POLR2F: variants seen among roughly 807,000 people sequenced by gnomAD.
The protein encoded by POLR2F is RNA polymerase II, I and III subunit F.
A neutral mutation model predicts 22.7 loss-of-function variants in POLR2F; 12 were observed. The observed-to-expected ratio is 0.53, with a 90% CI of 0.34 to 0.86. POLR2F has a LOEUF of 0.86. Ranked by LOEUF, POLR2F falls within the 40% of genes least tolerant of loss-of-function variation. The pLI is 0.02. For missense variants in POLR2F, 126 were observed against 171.5 expected, an observed-to-expected ratio of 0.73 and a Z score of 1.48; for synonymous variants, 57 against 66.0, an observed-to-expected ratio of 0.86 and a Z score of 0.66.
chr22:38,013,702 T>C (rs2145812412), intron 1 of POLR2F, among the ~76,000 whole-genome samples: 2 of 152,358 alleles, frequency 1.3e-5, no homozygotes, highest in South Asian at 2.1e-4. Context: ...ATTCTTCTGT[T>C]TCATTCTGAC....
At chr22:37,963,614 AG>A (rs1438338926) in intron 3 of POLR2F, among the ~76,000 whole-genome samples, 1 of 152,204 alleles carries the variant, frequency 6.6e-6, no homozygotes, top group Non-Finnish European at 1.5e-5. Context: ...AGGATAGCAC[AG>A]GGGGATAGGA....
intron 1 of POLR2F, among the ~76,000 whole-genome samples, chr22:38,008,490 A>G (rs190124930): frequency 1.1e-3 from 161 of 151,862 alleles, no homozygotes; most frequent in African/African-American, 3.7e-3. Flanking sequence ...GGTTGCAGTG[A>G]GCCGAGATCA....
At chr22:38,036,169 G>C (rs1601920936) in intron 5 of POLR2F, among the ~76,000 whole-genome samples, 1 of 151,772 alleles carries the variant, frequency 6.6e-6, no homozygotes, top group Non-Finnish European at 1.5e-5. Flanking sequence ...TAGAGACGGG[G>C]TTTTGCCATG....
rs1379416921 is a variant in POLR2F at position 37,997,982 on chromosome 22, C to G, written c.120+11670C>G. Among the ~76,000 whole-genome samples the G allele has an allele frequency of 3.9e-5, 6 of 152,188 alleles. No individual in the cohort carries two copies. Among genetic ancestry groups the G allele is most frequent in the African/African-American group, 1.4e-4 (6 of 41,438 alleles). On this transcript the variant is annotated intron_variant, in intron 1 of 2. Transcript: ENST00000333418. The surrounding 1 kb of genome is among the most constrained non-coding windows in gnomAD (Gnocchi z 4.4). ...GAAGAGCAGGTGTTTGTGTCCCCTT[C>G]CGGTGAGAGCTTTCCAGCGCCCAGA...
chr22:37,973,281 T>TCCAG, downstream of POLR2F: 1 of 555,990 alleles, frequency 1.8e-6, no homozygotes, highest in South Asian at 2.6e-5. Flanking sequence ...TTCTCCTCTG[T>TCCAG]CCAGCCTGTT....
intron 1 of POLR2F, among the ~76,000 whole-genome samples, chr22:38,012,146 A>G (rs2084876560): frequency 6.6e-6 from 1 of 151,364 alleles, no homozygotes; most frequent in Admixed American, 6.6e-5. Context: ...CAGTGGCACA[A>G]TGTTGGCTCA....
At chr22:38,036,764 C>T (rs2145836139) in intron 5 of POLR2F, among the ~76,000 whole-genome samples, 1 of 152,064 alleles carries the variant, frequency 6.6e-6, no homozygotes, top group South Asian at 2.1e-4. Context: ...CCTAGCCTTC[C>T]CCCAGCGTTC....
downstream of POLR2F, among the ~76,000 whole-genome samples, chr22:37,969,981 C>A (rs1482842285): frequency 1.3e-5 from 2 of 152,098 alleles, no homozygotes; most frequent in East Asian, 3.9e-4. Context: ...AGTTTTAGAA[C>A]TGATTAGACA....
chr22:38,024,434 A>C (rs1020190809), intron 1 of POLR2F, among the ~76,000 whole-genome samples: 13 of 152,242 alleles, frequency 8.5e-5, no homozygotes, highest in African/African-American at 3.1e-4. Flanking sequence ...CCTGCTTTCA[A>C]TTCTTGGTGA....
chr22:38,010,517 C>T (rs2084861858), intron 1 of POLR2F, among the ~76,000 whole-genome samples: 1 of 149,306 alleles, frequency 6.7e-6, no homozygotes, highest in Admixed American at 6.7e-5. Context: ...TCACCCTGAA[C>T]AACACCTAGT....
intron 1 of POLR2F, among the ~76,000 whole-genome samples, chr22:37,954,048 C>G (rs1263796272): frequency 6.6e-6 from 1 of 152,292 alleles, no homozygotes; most frequent in African/African-American, 2.4e-5. Context: ...TGTCCTTCAG[C>G]AAATGTTCCA....
chr22:37,976,658 C>T (rs1462879449), intron 4 of POLR2F, among the ~76,000 whole-genome samples: 4 of 152,310 alleles, frequency 2.6e-5, no homozygotes, highest in Middle Eastern at 3.4e-3. Context: ...GTTTGTTTCT[C>T]ATCAGTAAAA....
intron 1 of POLR2F, among the ~76,000 whole-genome samples, chr22:38,011,802 AT>A (rs988242383): frequency 0.012 from 1,771 of 145,500 alleles, 31 homozygotes; most frequent in African/African-American, 0.037. Context: ...GCTTGCTGGC[AT>A]TTTTTTTTTT....
At chr22:38,031,672 G>T (rs545798229), downstream of POLR2F, among the ~76,000 whole-genome samples, 1 of 152,266 alleles carries the variant, frequency 6.6e-6, no homozygotes, top group African/African-American at 2.4e-5. The surrounding 1 kb of genome is among the most constrained non-coding windows in gnomAD (Gnocchi z 4.1). Flanking sequence ...TTCCTCACGT[G>T]TGACCCTGGT....
At chr22:38,013,040 C>T (rs1331356752) in intron 1 of POLR2F, among the ~76,000 whole-genome samples, 3 of 152,222 alleles carry the variant, frequency 2.0e-5, no homozygotes, top group African/African-American at 4.8e-5. Flanking sequence ...CCCCACAGAA[C>T]TTATTCTAGC....
chr22:38,019,487 T>G (rs2084942329), intron 1 of POLR2F, among the ~76,000 whole-genome samples: 1 of 152,150 alleles, frequency 6.6e-6, no homozygotes, highest in Non-Finnish European at 1.5e-5. Flanking sequence ...GTGACAGATG[T>G]GGTCATGACC....
At position 37,967,079 on chromosome 22, in the gene POLR2F, A is replaced by G. The variant is rs772040079; in HGVS notation, c.222-20A>G. The G allele has an allele frequency of 1.1e-5, 17 of 1,598,312 alleles. No individual in the cohort carries two copies. In the Admixed American group the frequency reaches 2.6e-4, roughly 24 times the overall value. ...TCCCTGGGTTTGTAGTCTCCCTAAC[A>G]CCTGTCCCTATCCCTACAGGATGTG... On this transcript the variant is annotated intron_variant, in intron 3 of 4. Coordinates refer to ENST00000442738, the MANE Select transcript of POLR2F (RefSeq NM_021974.5).
At chr22:37,961,816 G>GGGGAAGCATAA in intron 3 of POLR2F, among the ~76,000 whole-genome samples, 1 of 151,434 alleles carries the variant, frequency 6.6e-6, no homozygotes, top group South Asian at 2.1e-4. Context: ...ATGGTACTGT[G>GGGGAAGCATAA]GGGAAGCATG....
Position 37,997,832 on chromosome 22 carries a change from C to T in POLR2F, c.120+11520C>T, listed in dbSNP as rs962631980. ...TGTGAGCCCACAGCTCACCGTCTGTCGAGGGGGGACAGGCAGGAGGTAAGG... is the reference window on the plus strand; with the variant it reads ...TGTGAGCCCACAGCTCACCGTCTGTTGAGGGGGGACAGGCAGGAGGTAAGG... On this transcript the variant is annotated intron_variant, in intron 1 of 2. Transcript: ENST00000333418. The surrounding 1 kb of genome is among the most constrained non-coding windows in gnomAD (Gnocchi z 4.4). 4.6e-5 allele frequency among the ~76,000 whole-genome samples: 7 copies of T among 152,138 alleles called. No homozygotes were observed. The highest frequency in any genetic ancestry group is 1.3e-4 in the Admixed American group (2 of 15,282).
Sources: allele counts gnomAD v4.1 joint callset (sites outside exome capture counted in the v4.1 genomes callset), GRCh38; gene constraint gnomAD v4.1.1; non-coding constraint Gnocchi (gnomAD v3.1); transcripts MANE v1.5; gene names NCBI Gene and HGNC (gene_info 2026-07-23, HGNC 2026-07-21).